SEMA5A: variants seen among roughly 807,000 people sequenced by gnomAD.
SEMA5A encodes semaphorin-5A.
In SEMA5A, 55 loss-of-function variants were observed where a neutral mutation model predicts 135.5. That is an observed-to-expected ratio of 0.41 (90% confidence interval 0.33 to 0.51). The LOEUF is 0.51. SEMA5A is among the 20% of genes least tolerant of loss of function. The pLI is 0.37. For synonymous variants in SEMA5A, 580 were observed against 546.5 expected (o/e 1.06, Z -0.85); for missense variants, 1,290 against 1,419.9 (o/e 0.91, Z 1.47).
intron 16 of SEMA5A, among the ~76,000 whole-genome samples, chr5:9,082,814 G>A (rs966763019): frequency 6.6e-6 from 1 of 152,150 alleles, no homozygotes; most frequent in African/African-American, 2.4e-5. Flanking sequence ...CCTAGAAAAT[G>A]CAGATGGTCA....
intron 1 of SEMA5A, among the ~76,000 whole-genome samples, chr5:9,464,365 C>G (rs1759175119): frequency 6.6e-6 from 1 of 152,156 alleles, no homozygotes. Context: ...AGTATGCATA[C>G]ATACACACGT....
intron 3 of SEMA5A, among the ~76,000 whole-genome samples, chr5:9,362,576 T>C (rs904575666): frequency 6.6e-6 from 1 of 152,188 alleles, no homozygotes; most frequent in African/African-American, 2.4e-5. Flanking sequence ...ATAGGTAGTT[T>C]TAAGTCCGTC....
chr5:9,050,191 G>A (rs2150039933), intron 21 of SEMA5A, among the ~76,000 whole-genome samples: 1 of 152,264 alleles, frequency 6.6e-6, no homozygotes, highest in African/African-American at 2.4e-5. Flanking sequence ...GCCATGCCCT[G>A]GACGTGGGTC....
intron 1 of SEMA5A, among the ~76,000 whole-genome samples, chr5:9,457,299 C>T (rs1220379430): frequency 2.0e-5 from 3 of 152,228 alleles, no homozygotes; most frequent in African/African-American, 7.2e-5. Context: ...GATCTAAGTT[C>T]AAACCCTGTC....
At chr5:9,138,492 T>C (rs1219996613) in intron 12 of SEMA5A, among the ~76,000 whole-genome samples, 1 of 152,250 alleles carries the variant, frequency 6.6e-6, no homozygotes, top group Non-Finnish European at 1.5e-5. Context: ...TGCACTATTC[T>C]TGTCAATAAA....
intron 16 of SEMA5A, among the ~76,000 whole-genome samples, chr5:9,074,210 G>T (rs1737922007): frequency 6.6e-6 from 1 of 152,238 alleles, no homozygotes. Flanking sequence ...TGGCTTATTG[G>T]TTTGTTTTGT....
chr5:9,278,186 G>T (rs1474514560), intron 5 of SEMA5A, among the ~76,000 whole-genome samples: 1 of 151,870 alleles, frequency 6.6e-6, no homozygotes, highest in Non-Finnish European at 1.5e-5. Flanking sequence ...GAAGTGGAGT[G>T]ATGGCAACCC....
intron 1 of SEMA5A, among the ~76,000 whole-genome samples, chr5:9,529,510 C>CTAA (rs1464089391): frequency 6.6e-6 from 1 of 152,170 alleles, no homozygotes; most frequent in Non-Finnish European, 1.5e-5. Flanking sequence ...GAAATTACTA[C>CTAA]TAATATATTT....
chr5:9,278,282 G>C (rs1047243682), intron 5 of SEMA5A, among the ~76,000 whole-genome samples: 1 of 152,104 alleles, frequency 6.6e-6, no homozygotes, highest in Non-Finnish European at 1.5e-5. Flanking sequence ...AGATTACTTA[G>C]GGTATCTGGT....
rs1305782012 is a variant in SEMA5A, at chr5:9,400,663, C to T, written c.-77-20640G>A. Among the ~76,000 whole-genome samples the T allele has an allele frequency of 4.2e-5, 3 of 72,264 alleles. 1 individual carries two copies. The highest frequency in any genetic ancestry group is 1.2e-4 in the African/African-American group (2 of 17,320). The allele number at this position is 72,264 out of a possible 152,430, so 47.4% of individuals were successfully genotyped here. A position where few individuals can be genotyped will look rare whatever the true frequency, so the allele number is the denominator to read the frequency against. On this transcript the variant is annotated intron_variant, in intron 2 of 22. Coordinates refer to ENST00000382496, the MANE Select transcript of SEMA5A (RefSeq NM_003966.3). ...CTGGGACTACAGGCGCCCGCCACTA[C>T]GCCCGGCTAATTTTTTGTATTTTTA...
At position 9,395,238 on chromosome 5, in the gene SEMA5A, T is replaced by C. The variant is rs139963446; in HGVS notation, c.-77-15215A>G. ...CAGCAGAAAACCATGGAGGGAACCA[T>C]TGCTGCAGTACGGAAAAGAAAAAAC... On this transcript the variant is annotated intron_variant, in intron 2 of 22. Coordinates refer to ENST00000382496, the MANE Select transcript of SEMA5A (RefSeq NM_003966.3). Among the ~76,000 whole-genome samples, 890 of 152,250 alleles carry C rather than the reference T, an allele frequency of 5.8e-3. 7 individuals carry two copies. Among genetic ancestry groups the C allele is most frequent in the African/African-American group, 0.02 (847 of 41,540 alleles).
intron 13 of SEMA5A, among the ~76,000 whole-genome samples, chr5:9,129,751 T>C (rs1194887792): frequency 1.3e-5 from 2 of 152,182 alleles, no homozygotes; most frequent in African/African-American, 4.8e-5. Flanking sequence ...ACATATACCA[T>C]GTAGTGGTAG....
intron 18 of SEMA5A, 150 bp from the exon 19 acceptor site, chr5:9,054,407 T>TGA: frequency 1.1e-6 from 1 of 951,436 alleles, no homozygotes; most frequent in Non-Finnish European, 1.5e-6. Context: ...TAGGCACACG[T>TGA]AGCAACAAGG....
intron 21 of SEMA5A, among the ~76,000 whole-genome samples, chr5:9,045,382 T>C (rs1234924040): frequency 6.6e-6 from 1 of 152,202 alleles, no homozygotes; most frequent in Non-Finnish European, 1.5e-5. Flanking sequence ...TAGCTCTCTC[T>C]CCATTTCATC....
chr5:9,288,844 G>A (rs1428848471), intron 5 of SEMA5A, among the ~76,000 whole-genome samples: 3 of 152,142 alleles, frequency 2.0e-5, no homozygotes, highest in African/African-American at 7.2e-5. Flanking sequence ...TTCATATCAT[G>A]TTGATATTTG....
chr5:9,235,290 G>C (rs1360585064), intron 6 of SEMA5A, among the ~76,000 whole-genome samples: 1 of 152,108 alleles, frequency 6.6e-6, no homozygotes, highest in Non-Finnish European at 1.5e-5. Flanking sequence ...GGACTCTAGG[G>C]AGCATAAAAA....
At chr5:9,205,658 C>T (rs565181846) in intron 8 of SEMA5A, among the ~76,000 whole-genome samples, 2 of 152,300 alleles carry the variant, frequency 1.3e-5, no homozygotes, top group South Asian at 4.1e-4. Flanking sequence ...TGCTCAAATA[C>T]ATGTTTTCCT....
At chr5:9,063,702 G>A (rs767437592) in intron 17 of SEMA5A, among the ~76,000 whole-genome samples, 4 of 152,162 alleles carry the variant, frequency 2.6e-5, no homozygotes, top group South Asian at 4.1e-4. Flanking sequence ...ATTGGCAAAC[G>A]TTTCTATGAA....
intron 1 of SEMA5A, among the ~76,000 whole-genome samples, chr5:9,456,145 T>C (rs530724106): frequency 1.2e-4 from 19 of 152,368 alleles, no homozygotes; most frequent in Admixed American, 3.3e-4. Context: ...CAAATCTTTC[T>C]AGATTCCCTG....
Sources: allele counts gnomAD v4.1 joint callset (sites outside exome capture counted in the v4.1 genomes callset), GRCh38; gene constraint gnomAD v4.1.1; transcripts MANE v1.5; gene names NCBI Gene and HGNC (gene_info 2026-07-23, HGNC 2026-07-21).